MACROD2: variants seen among roughly 807,000 people sequenced by gnomAD.
MACROD2 encodes the protein ADP-ribose glycohydrolase MACROD2.
Under a neutral mutation model 70.4 loss-of-function variants are expected in MACROD2, and 36 were observed. The ratio of observed to expected loss-of-function variants is 0.51; its 90% CI spans 0.39 to 0.68. The LOEUF (loss-of-function observed/expected upper bound fraction) is 0.68, where lower values mean the gene tolerates loss of function less well. MACROD2 is among the 30% of genes least tolerant of loss of function. The probability of loss-of-function intolerance (pLI) is 0.00; values close to 1 mark genes in which losing one functional copy is unlikely to be tolerated. For missense variants in MACROD2, 496 were observed against 538.4 expected, an observed-to-expected ratio of 0.92 and a Z score of 0.78; for synonymous variants, 172 against 178.8, an observed-to-expected ratio of 0.96 and a Z score of 0.30.
intron 8 of MACROD2, among the ~76,000 whole-genome samples, chr20:15,533,005 T>A (rs1033338025): frequency 6.6e-6 from 1 of 152,192 alleles, no homozygotes; most frequent in Admixed American, 6.5e-5. Flanking sequence ...TTAATCTGTG[T>A]TTGCTTGTTT....
chr20:15,007,912 A>G (rs1416704814), intron 5 of MACROD2, among the ~76,000 whole-genome samples: 2 of 152,222 alleles, frequency 1.3e-5, no homozygotes, highest in East Asian at 3.9e-4. Flanking sequence ...GGCCAGGGGA[A>G]CCCTGATTTG....
intron 4 of MACROD2, among the ~76,000 whole-genome samples, chr20:14,611,277 T>C (rs1035152247): frequency 1.3e-5 from 2 of 152,116 alleles, no homozygotes; most frequent in Non-Finnish European, 2.9e-5. Flanking sequence ...TCAAATGTGC[T>C]AGTTTCCCAG....
intron 9 of MACROD2, among the ~76,000 whole-genome samples, chr20:15,881,013 A>C (rs2064747194): frequency 6.6e-6 from 1 of 152,138 alleles, no homozygotes. Flanking sequence ...TCCATCAGAT[A>C]ATCTGTTACC....
At chr20:15,454,559 A>C (rs970680462) in intron 7 of MACROD2, among the ~76,000 whole-genome samples, 2 of 151,902 alleles carry the variant, frequency 1.3e-5, no homozygotes, top group African/African-American at 4.8e-5. Context: ...TTTAGGTCTC[A>C]TTTACCCATC....
chr20:14,031,333 A>G (rs749619006), intron 2 of MACROD2, among the ~76,000 whole-genome samples: 2 of 152,176 alleles, frequency 1.3e-5, no homozygotes, highest in African/African-American at 2.4e-5. Context: ...CTCAGTGTGC[A>G]TATGGCTTGG....
At chr20:15,930,679 G>A (rs6043624) in intron 10 of MACROD2, among the ~76,000 whole-genome samples, 129,091 of 152,182 alleles carry the variant, frequency 0.85, 55,914 homozygotes, top group Non-Finnish European at 0.95. Context: ...AAACAGTGCC[G>A]CTGAGACTCA....
chr20:14,659,752 T>C (rs889332939), intron 4 of MACROD2, among the ~76,000 whole-genome samples: 8 of 152,116 alleles, frequency 5.3e-5, no homozygotes, highest in African/African-American at 1.9e-4. Flanking sequence ...TTTGAGAAAT[T>C]TGCCTCACTT....
At chr20:16,035,619 G>A (rs778157064) in intron 15 of MACROD2, among the ~76,000 whole-genome samples, 5 of 151,952 alleles carry the variant, frequency 3.3e-5, no homozygotes, top group African/African-American at 4.8e-5. Context: ...GAACTGAATC[G>A]ATTAGAAGTG....
intron 5 of MACROD2, among the ~76,000 whole-genome samples, chr20:14,751,157 C>T (rs1219349289): frequency 6.6e-6 from 1 of 152,122 alleles, no homozygotes; most frequent in African/African-American, 2.4e-5. Context: ...TGGTGGAGAG[C>T]GCTCATGAGC....
chr20:15,700,272 T>C (rs2146894798), intron 8 of MACROD2, among the ~76,000 whole-genome samples: 1 of 152,264 alleles, frequency 6.6e-6, no homozygotes, highest in Non-Finnish European at 1.5e-5. Context: ...TCTGACATGA[T>C]CCCAGGAGCT....
chr20:14,050,766 A>G (rs1368088442), intron 2 of MACROD2, among the ~76,000 whole-genome samples: 1 of 152,224 alleles, frequency 6.6e-6, no homozygotes, highest in East Asian at 1.9e-4. Flanking sequence ...GTTCTCAGAA[A>G]CGAAAAATCT....
chr20:14,623,406 G>A (rs894504481), intron 4 of MACROD2, among the ~76,000 whole-genome samples: 2 of 152,152 alleles, frequency 1.3e-5, no homozygotes, highest in Non-Finnish European at 2.9e-5. Context: ...ATGAACGTGG[G>A]ATCACTTGCT....
intron 3 of MACROD2, among the ~76,000 whole-genome samples, chr20:14,334,195 A>G (rs2082895158): frequency 6.6e-6 from 1 of 152,224 alleles, no homozygotes; most frequent in Non-Finnish European, 1.5e-5. Flanking sequence ...TAGATAACTC[A>G]AAGTTCTTTC....
chr20:15,368,078 T>G (rs1170461640), intron 6 of MACROD2, among the ~76,000 whole-genome samples: 1 of 152,134 alleles, frequency 6.6e-6, no homozygotes, highest in East Asian at 1.9e-4. Flanking sequence ...ACTAGTATCT[T>G]GAGATGAAAT....
At chr20:15,077,317 A>C (rs892922016) in intron 5 of MACROD2, among the ~76,000 whole-genome samples, 4 of 152,198 alleles carry the variant, frequency 2.6e-5, no homozygotes, top group African/African-American at 9.6e-5. Flanking sequence ...GTCCACAGGT[A>C]AAGGGTCTTA....
intron 13 of MACROD2, among the ~76,000 whole-genome samples, chr20:15,984,961 A>G (rs1297849150): frequency 6.6e-6 from 1 of 152,028 alleles, no homozygotes; most frequent in African/African-American, 2.4e-5. Flanking sequence ...GTAACTGTCT[A>G]TGTACGGAAA....
intron 8 of MACROD2, among the ~76,000 whole-genome samples, chr20:15,558,345 G>A (rs915554700): frequency 6.6e-6 from 1 of 152,206 alleles, no homozygotes; most frequent in Non-Finnish European, 1.5e-5. Flanking sequence ...AGCCACCCCA[G>A]CACCTTCCCT....
intron 8 of MACROD2, among the ~76,000 whole-genome samples, chr20:15,503,092 C>T (rs1031443019): frequency 1.3e-5 from 2 of 152,022 alleles, no homozygotes; most frequent in African/African-American, 4.8e-5. Context: ...TGAATATTGA[C>T]AAAAATTAGT....
At chr20:14,747,483 T>G (rs1436457840) in intron 5 of MACROD2, among the ~76,000 whole-genome samples, 1 of 152,064 alleles carries the variant, frequency 6.6e-6, no homozygotes, top group Non-Finnish European at 1.5e-5. Flanking sequence ...TAGATTAGAT[T>G]TAAAGGCTTC....
Sources: allele counts gnomAD v4.1 joint callset (sites outside exome capture counted in the v4.1 genomes callset), GRCh38; gene constraint gnomAD v4.1.1; transcripts MANE v1.5; gene names NCBI Gene and HGNC (gene_info 2026-07-23, HGNC 2026-07-21).